The following IL2RB variants were observed in gnomAD, a reference collection of about 807,000 sequenced individuals.
IL2RB encodes the protein interleukin-2 receptor subunit beta.
IL2RB carries 17 observed loss-of-function variants against 44.2 expected under a neutral mutation model. The observed-to-expected ratio is 0.38, with a 90% CI of 0.26 to 0.58. The LOEUF (loss-of-function observed/expected upper bound fraction) is 0.58, where lower values mean the gene tolerates loss of function less well. Ranked by LOEUF, IL2RB falls within the 20% of genes least tolerant of loss-of-function variation. IL2RB has a pLI of 0.63. For missense variants in IL2RB, 624 were observed against 685.5 expected (o/e 0.91, Z 1.00); for synonymous variants, 286 against 297.9 (o/e 0.96, Z 0.41).
At chr22:37,148,020 C>T (rs1203622959) in intron 1 of IL2RB, among the ~76,000 whole-genome samples, 1 of 152,220 alleles carries the variant, frequency 6.6e-6, no homozygotes, top group Non-Finnish European at 1.5e-5. Context: ...TGACCCCATG[C>T]CCAGGACAGG....
At chr22:37,130,613 A>ACACAC (rs1921377781) in intron 9 of IL2RB, among the ~76,000 whole-genome samples, 3 of 152,154 alleles carry the variant, frequency 2.0e-5, no homozygotes, top group African/African-American at 7.2e-5. Flanking sequence ...CAAGGATACC[A>ACACAC]TACCCTCATG....
chr22:37,174,013 C>T (rs534465424), intron 1 of IL2RB, among the ~76,000 whole-genome samples: 4 of 152,306 alleles, frequency 2.6e-5, no homozygotes, highest in Admixed American at 6.5e-5. Context: ...CAGCTTCTCC[C>T]CACCCCACCC....
chr22:37,173,381 G>A (rs1923352054), intron 1 of IL2RB, among the ~76,000 whole-genome samples: 2 of 152,182 alleles, frequency 1.3e-5, no homozygotes, highest in Non-Finnish European at 2.9e-5. Context: ...CCTGTGCTTA[G>A]CACAGGGCCA....
intron 1 of IL2RB, among the ~76,000 whole-genome samples, chr22:37,147,740 C>T (rs1569048550): frequency 6.6e-6 from 1 of 152,224 alleles, no homozygotes; most frequent in Non-Finnish European, 1.5e-5. Flanking sequence ...CTGGCAGGTG[C>T]TTATTCGGGG....
At chr22:37,142,230 C>T (rs759022265) in intron 4 of IL2RB, among the ~76,000 whole-genome samples, 21 of 152,184 alleles carry the variant, frequency 1.4e-4, no homozygotes, top group Non-Finnish European at 2.4e-4. Context: ...GAGGGTCCGT[C>T]GGCCCTGGGG....
intron 1 of IL2RB, among the ~76,000 whole-genome samples, chr22:37,172,544 G>A (rs770386696): frequency 3.3e-5 from 5 of 152,274 alleles, no homozygotes; most frequent in Admixed American, 6.5e-5. Flanking sequence ...GGGCAGTGGC[G>A]AGGGGTCCCT....
In IL2RB at chr22:37,128,463, A is replaced by G. The variant is rs569375482; in HGVS notation, c.1289T>C (p.Phe430Ser). The G allele has an allele frequency of 6.3e-7, 1 of 1,575,482 alleles. No homozygotes were observed. The highest frequency in any genetic ancestry group is 1.7e-5 in the Admixed American group (1 of 57,324). The part of the protein sequence containing the change: ...TFPSRDDLLL[F>S]SPSLLGGPSP... ...GGGGCCACCGAGGAGACTGGGGGAG[A>G]AGAGCAGCAGGTCATCCCTGGAGGG... Residue 430 changes from phenylalanine to serine, a missense_variant, in exon 10 of 10, where the codon TTC (phenylalanine) becomes TCC (serine). Coordinates refer to ENST00000216223, the MANE Select transcript of IL2RB (RefSeq NM_000878.5). This position sits in a 1 kb window ranked among gnomAD's most constrained non-coding sequence, Gnocchi z 4.5.
intron 1 of IL2RB, among the ~76,000 whole-genome samples, chr22:37,145,514 G>A (rs542463034): frequency 9.9e-5 from 15 of 152,088 alleles, no homozygotes; most frequent in African/African-American, 3.1e-4. Flanking sequence ...CACAACTGTC[G>A]CAGCGGAAAT....
At chr22:37,149,592 G>A (rs896601719) in intron 1 of IL2RB, among the ~76,000 whole-genome samples, 1 of 152,208 alleles carries the variant, frequency 6.6e-6, no homozygotes, top group African/African-American at 2.4e-5. Context: ...CCCCTGAATG[G>A]GTTGGGAAGG....
chr22:37,147,798 A>C (rs1922294192), intron 1 of IL2RB, among the ~76,000 whole-genome samples: 1 of 152,230 alleles, frequency 6.6e-6, no homozygotes, highest in African/African-American at 2.4e-5. Flanking sequence ...CAGGAGGGTG[A>C]GCTCCCCAGG....
intron 1 of IL2RB, among the ~76,000 whole-genome samples, chr22:37,162,344 C>T (rs931054823): frequency 2.6e-5 from 4 of 152,066 alleles, no homozygotes; most frequent in African/African-American, 9.7e-5. Context: ...ACCTCCTCTG[C>T]CTAATGTACT....
At chr22:37,150,468 G>T (rs1435384026), upstream of IL2RB, among the ~76,000 whole-genome samples, 1 of 152,108 alleles carries the variant, frequency 6.6e-6, no homozygotes, top group African/African-American at 2.4e-5. Flanking sequence ...TGTGGTAGGT[G>T]TCTATATTCA....
intron 1 of IL2RB, among the ~76,000 whole-genome samples, chr22:37,163,431 C>T (rs1044575132): frequency 3.9e-5 from 6 of 152,128 alleles, no homozygotes; most frequent in African/African-American, 1.4e-4. Flanking sequence ...GGTAGATACC[C>T]CAAAGAGAAA....
At chr22:37,174,566 G>A (rs561191974) in intron 1 of IL2RB, among the ~76,000 whole-genome samples, 25 of 152,238 alleles carry the variant, frequency 1.6e-4, no homozygotes, top group Non-Finnish European at 3.2e-4. Context: ...AACCGGTTAC[G>A]TCATTCTTCC....
intron 7 of IL2RB, 55 bp from the exon 8 acceptor site, chr22:37,135,497 C>T: frequency 1.7e-6 from 2 of 1,169,788 alleles, no homozygotes; most frequent in South Asian, 2.5e-5. Context: ...TGCCCTCACT[C>T]ACCCTGGGTC....
chr22:37,136,164 C>G, intron 7 of IL2RB, 64 bp downstream of exon 7: 1 of 1,504,726 alleles, frequency 6.6e-7, no homozygotes. Context: ...GAGAATGGAG[C>G]AGCTCCTCCT....
At chr22:37,167,615 C>T (rs775939848) in intron 1 of IL2RB, among the ~76,000 whole-genome samples, 1 of 152,242 alleles carries the variant, frequency 6.6e-6, no homozygotes, top group Non-Finnish European at 1.5e-5. Flanking sequence ...CCCCAGGCCT[C>T]AGCCTGCGGT....
Position 37,128,888 on chromosome 22 carries a change from C to T in IL2RB, c.904-40G>A, listed in dbSNP as rs141838204. The T allele has an allele frequency of 6.0e-4, 940 of 1,557,574 alleles. 1 individual carries two copies. Among genetic ancestry groups the T allele is most frequent in the South Asian group, 2.1e-3 (174 of 81,682 alleles). ...GCCAGGGGTGGGTGAGTGGGGGCTT[C>T]CTTCACCCTCCACCCCTTCCTCTGG... On this transcript the variant is annotated intron_variant, in intron 9 of 9. Transcript: ENST00000216223. The surrounding 1 kb of genome is among the most constrained non-coding windows in gnomAD (Gnocchi z 4.5).
chr22:37,138,088 T>A (rs528614736), intron 5 of IL2RB, among the ~76,000 whole-genome samples: 10 of 152,338 alleles, frequency 6.6e-5, no homozygotes, highest in Non-Finnish European at 1.2e-4. Context: ...GCTGTGTCCT[T>A]GGCACCTGGA....
Sources: gnomAD v4.1 joint callset for allele counts (sites outside exome capture counted in the v4.1 genomes callset) on GRCh38, gnomAD v4.1.1 for gene constraint, Gnocchi (gnomAD v3.1) non-coding constraint, MANE v1.5 for transcripts, NCBI Gene and HGNC (gene_info 2026-07-23, HGNC 2026-07-21) for gene names.